Variants in PMEPA1 observed in about 807,000 individuals in gnomAD.
The protein encoded by PMEPA1 is protein TMEPAI.
In PMEPA1, 11 loss-of-function variants were observed where a neutral mutation model predicts 23.0. The observed-to-expected ratio is 0.48, with a 90% CI of 0.30 to 0.79. The LOEUF is 0.79. PMEPA1 is among the 30% of genes least tolerant of loss of function. The probability of loss-of-function intolerance (pLI) is 0.06; values close to 1 mark genes in which losing one functional copy is unlikely to be tolerated. For synonymous variants in PMEPA1, 204 were observed against 166.4 expected, an observed-to-expected ratio of 1.23 and a Z score of -1.74; for missense variants, 377 against 390.9, an observed-to-expected ratio of 0.96 and a Z score of 0.30.
rs2071185554 is a variant in PMEPA1 at position 57,649,010 on chromosome 20, T to A, written c.*3043A>T. ...CTTAGCACAATTTGTGAAATCTGTGTAGAACCGGGCTTTGCAGGGGAGATA... is the reference window on the plus strand; with the variant it reads ...CTTAGCACAATTTGTGAAATCTGTGAAGAACCGGGCTTTGCAGGGGAGATA... On this transcript the variant is annotated 3_prime_UTR_variant, in exon 4 of 4. Coordinates refer to ENST00000341744, the MANE Select transcript of PMEPA1 (RefSeq NM_020182.5). 6.6e-6 allele frequency: 1 copy of A among 151,996 alleles called. No homozygotes were observed. Among genetic ancestry groups the A allele is most frequent in the Admixed American group, 6.5e-5 (1 of 15,274 alleles). 9.4% of individuals were successfully genotyped at this position (151,996 alleles called of 1,614,324 possible). A position where few individuals can be genotyped will look rare whatever the true frequency, so the allele number is the denominator to read the frequency against.
In PMEPA1 at chr20:57,710,007, C is replaced by T; in HGVS notation, c.-425G>A. ...GAGACCGCGGTCGGAGGCAGGCAGA[C>T]GGTCTGACGTCAGCGCTAGACGGGG... On this transcript the variant is annotated 5_prime_UTR_variant, in exon 1 of 4. Transcript: ENST00000341744. The T allele has an allele frequency of 1.0e-6, 1 of 992,676 alleles. No homozygotes were observed. The highest frequency in any genetic ancestry group is 1.2e-6 in the Non-Finnish European group (1 of 834,840). 61.5% of individuals were successfully genotyped at this position (992,676 alleles called of 1,614,324 possible). A position where few individuals can be genotyped will look rare whatever the true frequency, so the allele number is the denominator to read the frequency against.
chr20:57,665,883 G>T (rs1302600215), intron 1 of PMEPA1, among the ~76,000 whole-genome samples: 6 of 152,312 alleles, frequency 3.9e-5, no homozygotes, highest in Non-Finnish European at 8.8e-5. Flanking sequence ...TTTTGAACTT[G>T]ACTCTGAGGC....
Position 57,653,061 on chromosome 20 carries a change from C to T in PMEPA1, c.290G>A (p.Ser97Asn). The change falls in exon 3 of 4, where the codon AGC (serine) becomes AAC (asparagine). Residue 97 changes from serine to asparagine, a missense_variant. Around this residue, in one of 3 missense-constraint regions of PMEPA1, gnomAD observed 198 missense variants for 196.3 expected, o/e 1.01. Transcript: ENST00000341744. ...SSEGCLWPSE[S>N]TVSGNGIPEP... ...TGGGATTCCGTTGCCTGACACTGTGCTCTCCGAGGGCCACAGGCATCCTTC... is the reference window on the plus strand; with the variant it reads ...TGGGATTCCGTTGCCTGACACTGTGTTCTCCGAGGGCCACAGGCATCCTTC... The T allele has an allele frequency of 6.3e-7, 1 of 1,593,564 alleles. No individual in the cohort carries two copies. The highest frequency in any genetic ancestry group is 8.5e-7 in the Non-Finnish European group (1 of 1,169,864).
chr20:57,652,617 G>C lies in PMEPA1; in HGVS notation c.319-19C>G, dbSNP rs73302914. On this transcript the variant is annotated intron_variant, in intron 3 of 3. Transcript: ENST00000341744. This position sits in a 1 kb window ranked among gnomAD's most constrained non-coding sequence, Gnocchi z 6.1. The stretch of plus-strand genomic sequence containing the variant: ...CCTGCGGCTGGAGGAAGCAGAGCGG[G>C]AGTGAGGGAGGGCGGCTGTCTCAGG... 2 of 1,452,334 alleles carry C rather than the reference G, an allele frequency of 1.4e-6. No individual in the cohort carries two copies. The highest frequency in any genetic ancestry group is 2.8e-5 in the African/African-American group (2 of 70,210). 90.0% of individuals were successfully genotyped at this position (1,452,334 alleles called of 1,614,324 possible). A position where few individuals can be genotyped will look rare whatever the true frequency, so the allele number is the denominator to read the frequency against.
chr20:57,661,586 C>T (rs892546791), intron 1 of PMEPA1, among the ~76,000 whole-genome samples: 3 of 152,150 alleles, frequency 2.0e-5, no homozygotes, highest in Admixed American at 6.5e-5. Flanking sequence ...CTCCCAGGAC[C>T]GAGGAACCAA....
upstream of PMEPA1, chr20:57,710,411 A>C (rs755633676): frequency 1.3e-6 from 2 of 1,589,146 alleles, no homozygotes; most frequent in Non-Finnish European, 1.7e-6. Context: ...CTGGGGGCTC[A>C]GGGAAGAGAA....
chr20:57,710,647 C>G (rs755102445), upstream of PMEPA1: 10 of 555,912 alleles, frequency 1.8e-5, no homozygotes, highest in Non-Finnish European at 2.2e-5. Flanking sequence ...TGTATTGTCG[C>G]CGCCCCAGCC....
intron 1 of PMEPA1, among the ~76,000 whole-genome samples, chr20:57,702,160 T>G (rs935715432): frequency 1.3e-5 from 2 of 152,288 alleles, no homozygotes; most frequent in South Asian, 4.1e-4. Context: ...TCTGTGTCGT[T>G]CCCTGACGTT....
chr20:57,658,311 G>A (rs546979395), intron 2 of PMEPA1, among the ~76,000 whole-genome samples: 3 of 152,226 alleles, frequency 2.0e-5, no homozygotes, highest in African/African-American at 4.8e-5. Context: ...ACACTCCCGC[G>A]CCCACTTCAC....
At chr20:57,662,525 G>A (rs2071435907) in intron 1 of PMEPA1, among the ~76,000 whole-genome samples, 1 of 152,174 alleles carries the variant, frequency 6.6e-6, no homozygotes, top group Admixed American at 6.5e-5. Context: ...GCATGTTCCT[G>A]GCCAGGAGAG....
At chr20:57,706,744 G>A (rs188866989) in intron 1 of PMEPA1, among the ~76,000 whole-genome samples, 1 of 152,158 alleles carries the variant, frequency 6.6e-6, no homozygotes, top group African/African-American at 2.4e-5. Context: ...CCCTGGCCTG[G>A]GGCTGGTGTG....
chr20:57,669,261 G>A (rs1476809827), intron 1 of PMEPA1, among the ~76,000 whole-genome samples: 1 of 152,056 alleles, frequency 6.6e-6, no homozygotes, highest in Non-Finnish European at 1.5e-5. Context: ...CTCCTGGTCA[G>A]GCAATTCTTG....
chr20:57,690,579 C>CGG, intron 1 of PMEPA1: 1 of 1,256,716 alleles, frequency 8.0e-7, no homozygotes, highest in Non-Finnish European at 1.0e-6. Context: ...ATTGCTATGG[C>CGG]GGGTGTAGAG....
chr20:57,661,606 AG>A (rs1055456039), intron 1 of PMEPA1, among the ~76,000 whole-genome samples: 1 of 152,016 alleles, frequency 6.6e-6, no homozygotes, highest in Non-Finnish European at 1.5e-5. Context: ...AAGCCGGGGG[AG>A]GGGGATCGGG....
At chr20:57,673,256 G>T (rs1223352423) in intron 1 of PMEPA1, among the ~76,000 whole-genome samples, 1 of 151,944 alleles carries the variant, frequency 6.6e-6, no homozygotes, top group Non-Finnish European at 1.5e-5. Flanking sequence ...ATTCTCGGTG[G>T]CCTGCGTCTA....
chr20:57,651,174 CA>C lies in PMEPA1; in HGVS notation c.*878del, dbSNP rs1212949375. ...TTGTGATTTAAAGGCTGTTCTGGGT[CA>C]GGGGGGAAAAGGTGTCTCCTTCGGT... On this transcript the variant is annotated 3_prime_UTR_variant, in exon 4 of 4. Coordinates refer to ENST00000341744, the MANE Select transcript of PMEPA1 (RefSeq NM_020182.5). The C allele has an allele frequency of 4.6e-5, 7 of 152,244 alleles. No homozygotes were observed. Among genetic ancestry groups the C allele is most frequent in the Non-Finnish European group, 7.3e-5 (5 of 68,056 alleles). 9.4% of individuals were successfully genotyped at this position (152,244 alleles called of 1,614,324 possible). A position where few individuals can be genotyped will look rare whatever the true frequency, so the allele number is the denominator to read the frequency against.
chr20:57,662,431 G>A (rs2071434693), intron 1 of PMEPA1, among the ~76,000 whole-genome samples: 1 of 152,200 alleles, frequency 6.6e-6, no homozygotes, highest in African/African-American at 2.4e-5. Context: ...TAGGCTTGGT[G>A]GGGCTTTCCC....
chr20:57,684,607 AC>A (rs951490432), intron 1 of PMEPA1, among the ~76,000 whole-genome samples: 3 of 152,092 alleles, frequency 2.0e-5, no homozygotes, highest in Non-Finnish European at 4.4e-5. Flanking sequence ...GAGACCCTCC[AC>A]CCCCATAGCT....
At chr20:57,671,043 A>G (rs2071561476) in intron 1 of PMEPA1, among the ~76,000 whole-genome samples, 1 of 152,206 alleles carries the variant, frequency 6.6e-6, no homozygotes. Flanking sequence ...CTCTAGAATC[A>G]TTTTAGAACC....
Sources: allele counts gnomAD v4.1 joint callset (sites outside exome capture counted in the v4.1 genomes callset), GRCh38; gene constraint gnomAD v4.1.1; regional missense constraint gnomAD v4.1.1; non-coding constraint Gnocchi (gnomAD v3.1); transcripts MANE v1.5; gene names NCBI Gene and HGNC (gene_info 2026-07-23, HGNC 2026-07-21).